Variants in CCDC148 observed in about 807,000 individuals in gnomAD.
CCDC148 encodes the protein coiled-coil domain containing 148, also known as coiled-coil domain-containing protein 148.
Under a neutral mutation model 85.7 loss-of-function variants are expected in CCDC148, and 89 were observed. The observed-to-expected ratio is 1.04, with a 90% CI of 0.87 to 1.24. CCDC148 has a LOEUF of 1.24. Ranked by LOEUF, CCDC148 falls within the 50% of genes most tolerant of loss-of-function variation. CCDC148 has a pLI of 0.00. For synonymous variants in CCDC148, 230 were observed against 213.9 expected (o/e 1.08, Z -0.66); for missense variants, 692 against 671.7 (o/e 1.03, Z -0.33).
intron 3 of CCDC148, among the ~76,000 whole-genome samples, chr2:158,341,948 A>G (rs1193575915): frequency 9.0e-6 from 1 of 110,694 alleles, no homozygotes; most frequent in African/African-American, 3.4e-5. Context: ...TTTTTTAGAT[A>G]TTTCTAAATA....
intron 9 of CCDC148, among the ~76,000 whole-genome samples, chr2:158,252,818 C>T (rs1032050260): frequency 7.3e-5 from 11 of 151,712 alleles, no homozygotes; most frequent in Admixed American, 1.3e-4. Flanking sequence ...TTATACCATC[C>T]GCTCTATCTT....
intron 1 of CCDC148, among the ~76,000 whole-genome samples, chr2:158,436,964 C>G (rs1472056708): frequency 2.0e-5 from 3 of 152,156 alleles, no homozygotes; most frequent in Non-Finnish European, 4.4e-5. Context: ...ATAACAGGCT[C>G]TGAAATTGAG....
Position 158,306,975 on chromosome 2 carries a change from C to T in CCDC148, c.1110+2458G>A, listed in dbSNP as rs1351852366. ...CGCAGCTTGCAGTGAGCTGAGATCA[C>T]ACCACTGCACTCCACCCTGGGCGAC... is the stretch of plus-strand genomic sequence containing the variant. On this transcript the variant is annotated intron_variant, in intron 9 of 13. Coordinates refer to ENST00000283233, the MANE Select transcript of CCDC148 (RefSeq NM_138803.4). 8.1e-5 allele frequency among the ~76,000 whole-genome samples: 12 copies of T among 149,022 alleles called. No individual in the cohort carries two copies. In the East Asian group the frequency reaches 1.6e-3, roughly 20 times the overall value.
intron 7 of CCDC148, among the ~76,000 whole-genome samples, chr2:158,323,539 C>T (rs1435860237): frequency 6.6e-6 from 1 of 152,170 alleles, no homozygotes; most frequent in Non-Finnish European, 1.5e-5. Context: ...CCAGCTGATA[C>T]TGGTACTCAA....
intron 2 of CCDC148, among the ~76,000 whole-genome samples, chr2:158,349,859 C>T (rs890771860): frequency 6.6e-6 from 1 of 152,056 alleles, no homozygotes; most frequent in African/African-American, 2.4e-5. Flanking sequence ...AACAGACATT[C>T]CAAAATGCTT....
intron 10 of CCDC148, among the ~76,000 whole-genome samples, chr2:158,246,652 G>A (rs4664944): frequency 0.37 from 55,572 of 151,992 alleles, 11,338 homozygotes; most frequent in East Asian, 0.68. Context: ...CTGTGCTCAC[G>A]GGAGCTGGAA....
intron 1 of CCDC148, among the ~76,000 whole-genome samples, chr2:158,395,783 C>T (rs954269832): frequency 6.6e-6 from 1 of 152,068 alleles, no homozygotes; most frequent in African/African-American, 2.4e-5. Flanking sequence ...ACATTTTTGG[C>T]AAGTTGCTGC....
chr2:158,416,411 A>G (rs951347410), intron 1 of CCDC148, among the ~76,000 whole-genome samples: 1 of 152,114 alleles, frequency 6.6e-6, no homozygotes, highest in Admixed American at 6.5e-5. Context: ...CACACATATG[A>G]GCATATCCTG....
intron 2 of CCDC148, among the ~76,000 whole-genome samples, chr2:158,348,777 T>C (rs1341762996): frequency 6.6e-6 from 1 of 152,092 alleles, no homozygotes; most frequent in Non-Finnish European, 1.5e-5. Context: ...AGATTCACTA[T>C]ACAATTCAAT....
In CCDC148 at chr2:158,339,694, A is replaced by G. The variant is rs992984186; in HGVS notation, c.486+548T>C. 2.6e-5 allele frequency among the ~76,000 whole-genome samples: 4 copies of G among 152,168 alleles called. No homozygotes were observed. In the East Asian group the frequency reaches 7.7e-4, roughly 29 times the overall value. Reference sequence around the variant, plus strand: ...GCACAGGCCTCTCAGACAAGAGGACATTTGAGCCAAGATCTAAATGGCAAA... The same window carrying G: ...GCACAGGCCTCTCAGACAAGAGGACGTTTGAGCCAAGATCTAAATGGCAAA... On this transcript the variant is annotated intron_variant, in intron 5 of 13. Transcript: ENST00000283233.
intron 9 of CCDC148, among the ~76,000 whole-genome samples, chr2:158,305,036 G>A (rs1452676503): frequency 6.6e-6 from 1 of 152,026 alleles, no homozygotes; most frequent in Non-Finnish European, 1.5e-5. Context: ...CTCACAGAGT[G>A]CTCACAAAAA....
intron 9 of CCDC148, among the ~76,000 whole-genome samples, chr2:158,267,802 T>C (rs1689534397): frequency 6.6e-6 from 1 of 152,192 alleles, no homozygotes; most frequent in Non-Finnish European, 1.5e-5. Flanking sequence ...TCTGTCCCTA[T>C]AGTTTTGCCT....
chr2:158,203,421 G>A (rs530122606), intron 11 of CCDC148, among the ~76,000 whole-genome samples: 1 of 152,246 alleles, frequency 6.6e-6, no homozygotes, highest in Admixed American at 6.5e-5. Flanking sequence ...CATCATCACG[G>A]TGGTGTCCTC....
chr2:158,262,602 G>T (rs182935203), intron 9 of CCDC148, among the ~76,000 whole-genome samples: 2 of 152,084 alleles, frequency 1.3e-5, no homozygotes, highest in Admixed American at 6.6e-5. Flanking sequence ...GGCTAGGGAG[G>T]CCTCAGGAAA....
chr2:158,404,260 G>A (rs1051411908), intron 1 of CCDC148, among the ~76,000 whole-genome samples: 7 of 152,006 alleles, frequency 4.6e-5, no homozygotes, highest in African/African-American at 1.4e-4. Flanking sequence ...GGATGGAAGC[G>A]CACCCTAACC....
At position 158,240,164 on chromosome 2, in the gene CCDC148, A is replaced by T. The variant is rs77969827; in HGVS notation, c.1251+10608T>A. ...TGGATGGATGTTAGAGCCAAGCCCAAGTTGGTGTTCAGAGTGGTTCAAAGA... is the reference window on the plus strand; with the variant it reads ...TGGATGGATGTTAGAGCCAAGCCCATGTTGGTGTTCAGAGTGGTTCAAAGA... On this transcript the variant is annotated intron_variant, in intron 10 of 13. Coordinates refer to ENST00000283233, the MANE Select transcript of CCDC148 (RefSeq NM_138803.4). Among the ~76,000 whole-genome samples the T allele has an allele frequency of 2.8e-3, 430 of 152,040 alleles. 3 individuals carry two copies. Among genetic ancestry groups the T allele is most frequent in the African/African-American group, 9.9e-3 (412 of 41,450 alleles).
intron 1 of CCDC148, among the ~76,000 whole-genome samples, chr2:158,395,694 G>A (rs1685491411): frequency 6.6e-6 from 1 of 152,106 alleles, no homozygotes; most frequent in East Asian, 1.9e-4. Flanking sequence ...AAAGGCAGCA[G>A]AGCTGAGCAG....
chr2:158,180,603 C>T (rs942102162), intron 11 of CCDC148, among the ~76,000 whole-genome samples: 5 of 151,856 alleles, frequency 3.3e-5, no homozygotes, highest in African/African-American at 1.2e-4. Context: ...ATGGAGGCCA[C>T]GAGAGGGGAA....
intron 10 of CCDC148, among the ~76,000 whole-genome samples, chr2:158,242,794 C>G (rs1559012148): frequency 6.6e-6 from 1 of 151,500 alleles, no homozygotes; most frequent in Non-Finnish European, 1.5e-5. Flanking sequence ...TTAAGGCCAA[C>G]ATATAGTTGA....
Sources: gnomAD v4.1 joint callset for allele counts (sites outside exome capture counted in the v4.1 genomes callset) on GRCh38, gnomAD v4.1.1 for gene constraint, MANE v1.5 for transcripts, NCBI Gene and HGNC (gene_info 2026-07-23, HGNC 2026-07-21) for gene names.